The following KCNH1 variants were observed in gnomAD, a reference collection of about 807,000 sequenced individuals.
KCNH1 encodes the protein potassium voltage-gated channel subfamily H member 1, also known as voltage-gated delayed rectifier potassium channel KCNH1.
KCNH1 carries 27 observed loss-of-function variants against 69.2 expected under a neutral mutation model. The ratio of observed to expected loss-of-function variants is 0.39; its 90% CI spans 0.29 to 0.54. The LOEUF is 0.54. Among genes scored for constraint, KCNH1 ranks in the 20% least tolerant of loss-of-function variants. KCNH1 has a pLI of 0.68. For synonymous variants in KCNH1, 456 were observed against 487.7 expected (o/e 0.93, Z 0.86); for missense variants, 798 against 1,261.6 (o/e 0.63, Z 5.57).
chr1:210,838,330 C>T (rs1242097230), intron 7 of KCNH1, among the ~76,000 whole-genome samples: 3 of 152,000 alleles, frequency 2.0e-5, no homozygotes, highest in African/African-American at 7.2e-5. Flanking sequence ...TTACACCTTA[C>T]ATAAAAATCA....
intron 10 of KCNH1, among the ~76,000 whole-genome samples, chr1:210,700,212 G>GACAA (rs1390536402): frequency 6.6e-6 from 1 of 152,216 alleles, no homozygotes; most frequent in Admixed American, 6.5e-5. Flanking sequence ...CACCAGGAAT[G>GACAA]ACAAACACAC....
chr1:210,947,398 T>C (rs1687978613), intron 6 of KCNH1, among the ~76,000 whole-genome samples: 2 of 151,578 alleles, frequency 1.3e-5, no homozygotes, highest in African/African-American at 4.9e-5. Flanking sequence ...TGAAACCCTT[T>C]CTCTACTAAA....
rs111588533 is a variant in KCNH1 at position 211,114,668 on chromosome 1, A to G, written c.80-7291T>C. Reference sequence around the variant, plus strand: ...TATTCCCCATGGTTGAGAATGCCAAATAAGAGAGCTAAAGTGACGCGACAC... The same window carrying G: ...TATTCCCCATGGTTGAGAATGCCAAGTAAGAGAGCTAAAGTGACGCGACAC... On this transcript the variant is annotated intron_variant, in intron 1 of 10. Coordinates refer to ENST00000271751, the MANE Select transcript of KCNH1 (RefSeq NM_172362.3). Among the ~76,000 whole-genome samples the G allele has an allele frequency of 1.1e-4, 17 of 152,314 alleles. 2 individuals carry two copies. The highest frequency in any genetic ancestry group is 3.8e-4 in the African/African-American group (16 of 41,566).
At chr1:210,945,708 T>C (rs1424824876) in intron 6 of KCNH1, among the ~76,000 whole-genome samples, 1 of 152,324 alleles carries the variant, frequency 6.6e-6, no homozygotes, top group Non-Finnish European at 1.5e-5. Flanking sequence ...AGAACTTCTG[T>C]TGTTCCTCAG....
chr1:210,839,881 T>C (rs1241884578), intron 7 of KCNH1, among the ~76,000 whole-genome samples: 1 of 152,174 alleles, frequency 6.6e-6, no homozygotes, highest in Non-Finnish European at 1.5e-5. Context: ...CTATCTTCTC[T>C]AGGACAAATG....
At chr1:210,740,612 C>G (rs1245816014) in intron 10 of KCNH1, among the ~76,000 whole-genome samples, 3 of 151,772 alleles carry the variant, frequency 2.0e-5, no homozygotes, top group African/African-American at 7.3e-5. Flanking sequence ...TGTTATTTAC[C>G]TGTTGGGATT....
chr1:210,954,665 C>T (rs969729529), intron 6 of KCNH1, among the ~76,000 whole-genome samples: 1 of 152,276 alleles, frequency 6.6e-6, no homozygotes, highest in South Asian at 2.1e-4. Flanking sequence ...GTGATGATGA[C>T]CATTTTTTCA....
At chr1:210,709,234 G>C (rs1401475668) in intron 10 of KCNH1, among the ~76,000 whole-genome samples, 1 of 152,198 alleles carries the variant, frequency 6.6e-6, no homozygotes, top group African/African-American at 2.4e-5. Context: ...GGGCAACAGT[G>C]CCAGACCCTG....
intron 9 of KCNH1, among the ~76,000 whole-genome samples, chr1:210,779,002 G>A (rs1343149): frequency 8.6e-4 from 131 of 151,834 alleles, no homozygotes; most frequent in Non-Finnish European, 1.3e-3. Flanking sequence ...CATATCTATT[G>A]CATAAAACAA....
intron 7 of KCNH1, among the ~76,000 whole-genome samples, chr1:210,855,950 C>T (rs560189491): frequency 6.6e-6 from 1 of 152,256 alleles, no homozygotes; most frequent in South Asian, 2.1e-4. Context: ...TAATATGCCA[C>T]CTGGCTAGCA....
intron 5 of KCNH1, among the ~76,000 whole-genome samples, chr1:211,043,720 C>T (rs1435903070): frequency 6.6e-6 from 1 of 152,162 alleles, no homozygotes; most frequent in African/African-American, 2.4e-5. Flanking sequence ...AATCCAACAA[C>T]ATATCAAGAA....
chr1:211,027,604 A>G (rs1332280307), intron 5 of KCNH1, among the ~76,000 whole-genome samples: 2 of 149,740 alleles, frequency 1.3e-5, no homozygotes, highest in African/African-American at 4.9e-5. Context: ...TCAGGGAAAG[A>G]AAAAAAAAAG....
intron 4 of KCNH1, among the ~76,000 whole-genome samples, chr1:211,084,213 A>G (rs1690911929): frequency 7.9e-6 from 1 of 126,252 alleles, no homozygotes; most frequent in Non-Finnish European, 1.7e-5. Flanking sequence ...TGAATGTGCT[A>G]TGGGAACTAT....
At chr1:210,930,393 C>G (rs545090885) in intron 6 of KCNH1, among the ~76,000 whole-genome samples, 49 of 152,214 alleles carry the variant, frequency 3.2e-4, no homozygotes, top group Non-Finnish European at 4.9e-4. Context: ...ATACTTACAG[C>G]CAACTGATTT....
chr1:210,879,007 G>A (rs1237089126), intron 7 of KCNH1, among the ~76,000 whole-genome samples: 1 of 151,968 alleles, frequency 6.6e-6, no homozygotes, highest in Non-Finnish European at 1.5e-5. Flanking sequence ...GAACAACTCT[G>A]TGCTCATAAA....
chr1:210,874,019 T>G (rs1319273895), intron 7 of KCNH1, among the ~76,000 whole-genome samples: 1 of 152,176 alleles, frequency 6.6e-6, no homozygotes, highest in East Asian at 1.9e-4. Flanking sequence ...AATTTAGCCC[T>G]GCGCACGTGA....
chr1:210,906,881 A>C (rs1279288764), intron 7 of KCNH1, among the ~76,000 whole-genome samples: 1 of 152,228 alleles, frequency 6.6e-6, no homozygotes, highest in Admixed American at 6.5e-5. Context: ...AAATTCATGG[A>C]TAGCTGGAGG....
chr1:210,865,963 A>G (rs1159207742), intron 7 of KCNH1, among the ~76,000 whole-genome samples: 2 of 152,194 alleles, frequency 1.3e-5, no homozygotes, highest in Non-Finnish European at 2.9e-5. Flanking sequence ...AGTATGTTAT[A>G]GATCAGCTTT....
chr1:210,859,130 C>A (rs183136197), intron 7 of KCNH1: 254 of 1,178,802 alleles, frequency 2.2e-4, no homozygotes, highest in Admixed American at 7.2e-4. Flanking sequence ...AGGAGGAACA[C>A]AAGCTCTTCA....
Sources: allele counts gnomAD v4.1 joint callset (sites outside exome capture counted in the v4.1 genomes callset), GRCh38; gene constraint gnomAD v4.1.1; transcripts MANE v1.5; gene names NCBI Gene and HGNC (gene_info 2026-07-23, HGNC 2026-07-21).